The following AGPAT4 variants were observed in gnomAD, a reference collection of about 807,000 sequenced individuals.
AGPAT4 encodes the protein 1-acylglycerol-3-phosphate O-acyltransferase 4, also known as 1-acyl-sn-glycerol-3-phosphate acyltransferase delta.
Under a neutral mutation model 48.0 loss-of-function variants are expected in AGPAT4, and 15 were observed. The ratio of observed to expected loss-of-function variants is 0.31; its 90% CI spans 0.21 to 0.48. The LOEUF is 0.48. Ranked by LOEUF, AGPAT4 falls within the 20% of genes least tolerant of loss-of-function variation. The pLI is 0.99. For synonymous variants in AGPAT4, 178 were observed against 198.7 expected (o/e 0.90, Z 0.88); for missense variants, 314 against 482.5 (o/e 0.65, Z 3.27).
Position 161,206,536 on chromosome 6 carries a change from CCAGTGACA to C in AGPAT4, c.178+25492_178+25499del, listed in dbSNP as rs1311308651. Among the ~76,000 whole-genome samples the C allele has an allele frequency of 1.3e-5, 2 of 152,074 alleles. No individual in the cohort carries two copies. The highest frequency in any genetic ancestry group is 6.5e-5 in the Admixed American group (1 of 15,272). The stretch of plus-strand genomic sequence containing the variant: ...CAATAATAAGGTGGCATCCCTTGAC[CCAGTGACA>C]CAGTATCAGAGAAAATCTGTTAAAA... On this transcript the variant is annotated intron_variant, in intron 2 of 8. Coordinates refer to ENST00000320285, the MANE Select transcript of AGPAT4 (RefSeq NM_020133.3). This position sits in a 1 kb window ranked among gnomAD's most constrained non-coding sequence, Gnocchi z 4.8.
rs1782208905 is a variant in AGPAT4 at position 161,234,378 on chromosome 6, A to G, written c.-89-2076T>C. Reference sequence around the variant, plus strand: ...CCATTCTCTAGGCCCCAGAAGCTCCACTCTCTGGCACAAATCCAGGCCCTG... The same window carrying G: ...CCATTCTCTAGGCCCCAGAAGCTCCGCTCTCTGGCACAAATCCAGGCCCTG... On this transcript the variant is annotated intron_variant, in intron 1 of 8. Transcript: ENST00000320285. The surrounding 1 kb of genome is among the most constrained non-coding windows in gnomAD (Gnocchi z 4.4). Among the ~76,000 whole-genome samples the G allele has an allele frequency of 6.6e-6, 1 of 151,682 alleles. No individual in the cohort carries two copies. The highest frequency in any genetic ancestry group is 1.5e-5 in the Non-Finnish European group (1 of 67,904).
At position 161,240,550 on chromosome 6, in the gene AGPAT4, G is replaced by A. The variant is rs1447067133; in HGVS notation, c.-89-8248C>T. ...AATAAAAGAAAATAAAAACTTCAGG[G>A]ACTGGCAAAGAGAGCAGCACAGCTA... On this transcript the variant is annotated intron_variant, in intron 1 of 8. Coordinates refer to ENST00000320285, the MANE Select transcript of AGPAT4 (RefSeq NM_020133.3). The surrounding 1 kb of genome is among the most constrained non-coding windows in gnomAD (Gnocchi z 5.5). 6.6e-6 allele frequency among the ~76,000 whole-genome samples: 1 copy of A among 152,162 alleles called. No homozygotes were observed. The highest frequency in any genetic ancestry group is 2.4e-5 in the African/African-American group (1 of 41,428).
In AGPAT4 at chr6:161,164,218, C is replaced by T. The variant is rs1329116721; in HGVS notation, c.348+2030G>A. Among the ~76,000 whole-genome samples the T allele has an allele frequency of 6.6e-6, 1 of 152,216 alleles. No homozygotes were observed. The highest frequency in any genetic ancestry group is 1.5e-5 in the Non-Finnish European group (1 of 68,040). On this transcript the variant is annotated intron_variant, in intron 3 of 8. Transcript: ENST00000320285. This position sits in a 1 kb window ranked among gnomAD's most constrained non-coding sequence, Gnocchi z 7.4. ...GTGAATGTCTCTTCCCGTCTGGGGG[C>T]TATGTCCTCTCTCTGGACCTGGGTC...
rs1311085443 is a variant in AGPAT4, at chr6:161,219,326, A to T, written c.178+12710T>A. Among the ~76,000 whole-genome samples the T allele has an allele frequency of 6.6e-6, 1 of 152,026 alleles. No individual in the cohort carries two copies. The highest frequency in any genetic ancestry group is 2.4e-5 in the African/African-American group (1 of 41,440). On this transcript the variant is annotated intron_variant, in intron 2 of 8. Coordinates refer to ENST00000320285, the MANE Select transcript of AGPAT4 (RefSeq NM_020133.3). The surrounding 1 kb of genome is among the most constrained non-coding windows in gnomAD (Gnocchi z 4.9). ...AATTTGTATTTTATATAATTTAAAA[A>T]ATATATAAAATGTCCTATCCAGACA...
In AGPAT4 at chr6:161,214,561, T is replaced by G. The variant is rs1470467630; in HGVS notation, c.178+17475A>C. On this transcript the variant is annotated intron_variant, in intron 2 of 8. Coordinates refer to ENST00000320285, the MANE Select transcript of AGPAT4 (RefSeq NM_020133.3). The surrounding 1 kb of genome is among the most constrained non-coding windows in gnomAD (Gnocchi z 5.4). ...CAGGCGGATCAATTGAAGTCAGGAG[T>G]TCGAGACCAGCCTAGCCAACATGGT... is the stretch of plus-strand genomic sequence containing the variant. Among the ~76,000 whole-genome samples, 1 of 151,780 alleles carries G rather than the reference T, an allele frequency of 6.6e-6. No homozygotes were observed. The highest frequency in any genetic ancestry group is 2.4e-5 in the African/African-American group (1 of 41,298).
rs1780256295 is a variant in AGPAT4 at position 161,171,092 on chromosome 6, T to C, written c.179-4675A>G. On this transcript the variant is annotated intron_variant, in intron 2 of 8. Transcript: ENST00000320285. The surrounding 1 kb of genome is among the most constrained non-coding windows in gnomAD (Gnocchi z 4.4). ...CCGACCAGAAGCTATCAGCAGGTGC[T>C]GCACAACAGAGATGCTTGTGAGAAA... is the stretch of plus-strand genomic sequence containing the variant. 1.3e-5 allele frequency among the ~76,000 whole-genome samples: 2 copies of C among 152,236 alleles called. No homozygotes were observed. The highest frequency in any genetic ancestry group is 4.1e-4 in the South Asian group (2 of 4,834).
At position 161,214,388 on chromosome 6, in the gene AGPAT4, G is replaced by A. The variant is rs1286947233; in HGVS notation, c.178+17648C>T. On this transcript the variant is annotated intron_variant, in intron 2 of 8. Transcript: ENST00000320285. The surrounding 1 kb of genome is among the most constrained non-coding windows in gnomAD (Gnocchi z 5.4). ...CAAATTTTGGGGGTTTCAGAAGCCT[G>A]TTGCTCCTAGGCTGCTCACCTGTAC... Among the ~76,000 whole-genome samples the A allele has an allele frequency of 6.6e-6, 1 of 152,176 alleles. No individual in the cohort carries two copies. Among genetic ancestry groups the A allele is most frequent in the African/African-American group, 2.4e-5 (1 of 41,430 alleles).
Position 161,196,091 on chromosome 6 carries a change from A to G in AGPAT4, c.179-29674T>C, listed in dbSNP as rs1484164646. Among the ~76,000 whole-genome samples, 1 of 152,182 alleles carries G rather than the reference A, an allele frequency of 6.6e-6. No homozygotes were observed. Among genetic ancestry groups the G allele is most frequent in the Non-Finnish European group, 1.5e-5 (1 of 68,038 alleles). ...GCTTAATGACCCACCATCCCAAGAC[A>G]GAAATATAACCCTGACCTCTTTCTA... On this transcript the variant is annotated intron_variant, in intron 2 of 8. Transcript: ENST00000320285. This position sits in a 1 kb window ranked among gnomAD's most constrained non-coding sequence, Gnocchi z 4.3.
At chr6:161,150,830 T>A (rs746785617) in intron 5 of AGPAT4, among the ~76,000 whole-genome samples, 27 of 152,224 alleles carry the variant, frequency 1.8e-4, no homozygotes, top group Non-Finnish European at 3.4e-4. Flanking sequence ...TCAGGCTGTG[T>A]GGACCATGAC....
Position 161,233,627 on chromosome 6 carries a change from G to A in AGPAT4, c.-89-1325C>T, listed in dbSNP as rs1782188955. Among the ~76,000 whole-genome samples the A allele has an allele frequency of 6.6e-6, 1 of 152,112 alleles. No homozygotes were observed. The highest frequency in any genetic ancestry group is 1.9e-4 in the East Asian group (1 of 5,196). On this transcript the variant is annotated intron_variant, in intron 1 of 8. Transcript: ENST00000320285. This position sits in a 1 kb window ranked among gnomAD's most constrained non-coding sequence, Gnocchi z 5.4. ...CAGTACAGTATTCAATAAATTACAA[G>A]GCCTATTCAGCACTTTGTTATAAAA...
intron 1 of AGPAT4, among the ~76,000 whole-genome samples, chr6:161,257,886 G>T (rs1157758743): frequency 6.6e-6 from 1 of 152,138 alleles, no homozygotes; most frequent in Non-Finnish European, 1.5e-5. Context: ...ATGTGGTGAC[G>T]CAGTCTGTCA....
chr6:161,260,885 T>C (rs879117388), intron 1 of AGPAT4, among the ~76,000 whole-genome samples: 3 of 151,658 alleles, frequency 2.0e-5, no homozygotes, highest in Non-Finnish European at 4.4e-5. Context: ...TGAGAGCCTG[T>C]CTCAAAAAAA....
intron 1 of AGPAT4, among the ~76,000 whole-genome samples, chr6:161,252,800 ACT>A (rs1019065195): frequency 2.0e-5 from 3 of 152,056 alleles, no homozygotes; most frequent in South Asian, 2.1e-4. Context: ...ACACAGTGAG[ACT>A]CTGTCTCAAA....
At position 161,159,669 on chromosome 6, in the gene AGPAT4, G is replaced by A. The variant is rs1779865797; in HGVS notation, c.349-5359C>T. On this transcript the variant is annotated intron_variant, in intron 3 of 8. Transcript: ENST00000320285. The surrounding 1 kb of genome is among the most constrained non-coding windows in gnomAD (Gnocchi z 4.1). ...TCCATTCTCTTTTTTTTGAGACGAA[G>A]TTTCACTCTTGTTGCCCAGGCTGGA... 6.6e-6 allele frequency among the ~76,000 whole-genome samples: 1 copy of A among 152,142 alleles called. No homozygotes were observed. Among genetic ancestry groups the A allele is most frequent in the African/African-American group, 2.4e-5 (1 of 41,418 alleles).
chr6:161,265,724 T>C (rs1385138839), intron 1 of AGPAT4, among the ~76,000 whole-genome samples: 2 of 152,020 alleles, frequency 1.3e-5, no homozygotes, highest in African/African-American at 2.4e-5. Context: ...GGAGGGCCTG[T>C]CTGCACAGAT....
rs561466334 is a variant in AGPAT4, at chr6:161,172,727, T to C, written c.179-6310A>G. On this transcript the variant is annotated intron_variant, in intron 2 of 8. Transcript: ENST00000320285. ...GTTACATATGTATACATGTGCCATG[T>C]TGGTGTGCTGCACCCATCAACTAGT... Among the ~76,000 whole-genome samples the C allele has an allele frequency of 9.8e-5, 15 of 152,328 alleles. No individual in the cohort carries two copies. In the South Asian group the frequency reaches 2.7e-3, roughly 27 times the overall value.
Position 161,138,063 on chromosome 6 carries a change from G to T in AGPAT4, c.1042+1359C>A, listed in dbSNP as rs1172011784. 1.3e-5 allele frequency among the ~76,000 whole-genome samples: 2 copies of T among 152,186 alleles called. No homozygotes were observed. The highest frequency in any genetic ancestry group is 2.9e-5 in the Non-Finnish European group (2 of 68,030). ...CTTGCTGTTGCCTGCTATTGAAGCAGAAGGGTTGAGCTTGCCCCCGCCCTA... is the reference window on the plus strand; with the variant it reads ...CTTGCTGTTGCCTGCTATTGAAGCATAAGGGTTGAGCTTGCCCCCGCCCTA... On this transcript the variant is annotated intron_variant, in intron 8 of 8. Transcript: ENST00000320285. The surrounding 1 kb of genome is among the most constrained non-coding windows in gnomAD (Gnocchi z 4.8).
intron 5 of AGPAT4, among the ~76,000 whole-genome samples, chr6:161,152,881 C>T (rs1779632658): frequency 6.6e-6 from 1 of 152,174 alleles, no homozygotes; most frequent in Non-Finnish European, 1.5e-5. Flanking sequence ...TGACAAGAGG[C>T]CAGAGGCAAG....
rs766138985 is a variant in AGPAT4 at position 161,262,534 on chromosome 6, C to T, written c.-90+11404G>A. On this transcript the variant is annotated intron_variant, in intron 1 of 8. Coordinates refer to ENST00000320285, the MANE Select transcript of AGPAT4 (RefSeq NM_020133.3). This position sits in a 1 kb window ranked among gnomAD's most constrained non-coding sequence, Gnocchi z 4.9. ...CAAATAAAACTTGGTTTGCTTGTCCCTGGGCAAAGTCCCCAGCCTAGAGTT... is the reference window on the plus strand; with the variant it reads ...CAAATAAAACTTGGTTTGCTTGTCCTTGGGCAAAGTCCCCAGCCTAGAGTT... Among the ~76,000 whole-genome samples, 4 of 152,074 alleles carry T rather than the reference C, an allele frequency of 2.6e-5. No homozygotes were observed. The highest frequency in any genetic ancestry group is 5.9e-5 in the Non-Finnish European group (4 of 68,026).
Sources: gnomAD v4.1 joint callset for allele counts (sites outside exome capture counted in the v4.1 genomes callset) on GRCh38, gnomAD v4.1.1 for gene constraint, Gnocchi (gnomAD v3.1) non-coding constraint, MANE v1.5 for transcripts, NCBI Gene and HGNC (gene_info 2026-07-23, HGNC 2026-07-21) for gene names.